Variants in PTPRZ1 observed in about 807,000 individuals in gnomAD.
PTPRZ1 encodes receptor-type tyrosine-protein phosphatase zeta.
PTPRZ1 carries 82 observed loss-of-function variants against 214.1 expected under a neutral mutation model. The ratio of observed to expected loss-of-function variants is 0.38; its 90% CI spans 0.32 to 0.46. PTPRZ1 has a LOEUF of 0.46. Ranked by LOEUF, PTPRZ1 falls within the 20% of genes least tolerant of loss-of-function variation. The pLI is 1.00. For missense variants in PTPRZ1, 2,603 were observed against 2,748.7 expected (o/e 0.95, Z 1.19); for synonymous variants, 945 against 987.9 (o/e 0.96, Z 0.81).
intron 1 of PTPRZ1, among the ~76,000 whole-genome samples, chr7:121,875,645 C>G (rs987071026): frequency 6.6e-6 from 1 of 152,208 alleles, no homozygotes; most frequent in African/African-American, 2.4e-5. Context: ...TTTGTTGAGA[C>G]TGGAAGGTGA....
intron 1 of PTPRZ1, among the ~76,000 whole-genome samples, chr7:121,897,282 C>T (rs571904395): frequency 3.3e-5 from 5 of 152,144 alleles, no homozygotes; most frequent in South Asian, 2.1e-4. Context: ...TCAGTGATAA[C>T]GGGCTTTACT....
intron 8 of PTPRZ1, among the ~76,000 whole-genome samples, chr7:121,994,770 A>T (rs1397788030): frequency 6.6e-6 from 1 of 152,162 alleles, no homozygotes; most frequent in Admixed American, 6.5e-5. Flanking sequence ...TAGAAGTCTC[A>T]CTCAGTAGAG....
rs76007706 is a variant in PTPRZ1, at chr7:121,981,640, A to G, written c.620-2025A>G. Among the ~76,000 whole-genome samples the G allele has an allele frequency of 1.1e-4, 16 of 152,356 alleles. No individual in the cohort carries two copies. The East Asian group carries it at 2.9e-3, about 28-fold the overall frequency. ...CAGATACAAATGAGACTATTCAAGG[A>G]GACAGATATATTTGGATTGTTTCAG... On this transcript the variant is annotated intron_variant, in intron 6 of 29. Coordinates refer to ENST00000393386, the MANE Select transcript of PTPRZ1 (RefSeq NM_002851.3).
chr7:121,984,088 A>G lies in PTPRZ1; in HGVS notation c.899A>G (p.Tyr300Cys). 5.6e-6 allele frequency: 9 copies of G among 1,613,414 alleles called. No individual in the cohort carries two copies. Among genetic ancestry groups the G allele is most frequent in the East Asian group, 2.2e-5 (1 of 44,802 alleles). The change falls in exon 8 of 30, where the codon TAC becomes TGC. Residue 300 changes from tyrosine to cysteine, a missense_variant. Around this residue, in one of 6 missense-constraint regions of PTPRZ1, gnomAD observed 244 missense variants for 333.2 expected, o/e 0.73. Coordinates refer to ENST00000393386, the MANE Select transcript of PTPRZ1 (RefSeq NM_002851.3). ...TTCTCTAGACAGGTGTTTTCCTCAT[A>G]CACTGGAAAGGAAGAGATTCATGAA... ...YKFSRQVFSS[Y>C]TGKEEIHEAV...
intron 8 of PTPRZ1, among the ~76,000 whole-genome samples, chr7:121,986,267 T>A (rs1797760289): frequency 6.6e-6 from 1 of 152,202 alleles, no homozygotes; most frequent in Non-Finnish European, 1.5e-5. Context: ...GAAGCTGATA[T>A]TAAATGGCTT....
chr7:122,006,341 A>T lies in PTPRZ1; in HGVS notation c.1287+1681A>T, dbSNP rs556305914. ...GTGCTATCAAACACTAGAACTTATT[A>T]TTCCTATCTAGCTGTAATTTTGTAT... On this transcript the variant is annotated intron_variant, in intron 11 of 29. Transcript: ENST00000393386. Among the ~76,000 whole-genome samples, 204 of 152,120 alleles carry T rather than the reference A, an allele frequency of 1.3e-3. No individual in the cohort carries two copies. In the Middle Eastern group the frequency reaches 0.02, roughly 15 times the overall value.
At chr7:121,977,566 G>A (rs1166002459) in intron 6 of PTPRZ1, among the ~76,000 whole-genome samples, 1 of 152,138 alleles carries the variant, frequency 6.6e-6, no homozygotes, top group Non-Finnish European at 1.5e-5. Flanking sequence ...TTTGAAATCA[G>A]AAACAAAACT....
intron 15 of PTPRZ1, among the ~76,000 whole-genome samples, chr7:122,033,474 G>A (rs1799442715): frequency 1.3e-5 from 2 of 151,644 alleles, no homozygotes; most frequent in Admixed American, 6.6e-5. Flanking sequence ...AAAAAAATGG[G>A]CAGAAATAAA....
intron 2 of PTPRZ1, among the ~76,000 whole-genome samples, chr7:121,960,180 G>T (rs7794323): frequency 6.6e-6 from 1 of 152,056 alleles, no homozygotes; most frequent in Non-Finnish European, 1.5e-5. Context: ...CTGTAATTAC[G>T]GGCGTGCGCC....
intron 2 of PTPRZ1, among the ~76,000 whole-genome samples, chr7:121,931,378 C>T (rs1338012727): frequency 3.3e-5 from 5 of 152,060 alleles, no homozygotes; most frequent in African/African-American, 1.2e-4. Context: ...AATCAATTTT[C>T]AAACAGAGAA....
rs761404307 is a variant in PTPRZ1, at chr7:122,011,290, A to C, written c.2244A>C (p.Thr748=). The C allele has an allele frequency of 6.2e-7, 1 of 1,614,122 alleles. No homozygotes were observed. Among genetic ancestry groups the C allele is most frequent in the South Asian group, 1.1e-5 (1 of 91,084 alleles). The stretch of plus-strand genomic sequence containing the variant: ...CGGTCAACGTGGTATACTCGCAGAC[A>C]ACCCAACCGGTATACAATGGTGAGA... The part of the protein sequence containing the change: ...VSTVNVVYSQ[T]TQPVYNGETP... The change falls in exon 12 of 30, where the codon ACA becomes ACC. Residue 748 remains threonine, a synonymous_variant. Transcript: ENST00000393386.
At position 121,989,306 on chromosome 7, in the gene PTPRZ1, G is replaced by A. The variant is rs997987936; in HGVS notation, c.928+5189G>A. ...AACTAGGACTTGCTGTTTCCATCAC[G>A]AGTCTTTACACTCAATAAGCATTTA... On this transcript the variant is annotated intron_variant, in intron 8 of 29. Transcript: ENST00000393386. Among the ~76,000 whole-genome samples, 11 of 151,640 alleles carry A rather than the reference G, an allele frequency of 7.3e-5. No homozygotes were observed. In the South Asian group the frequency reaches 1.9e-3, roughly 26 times the overall value.
chr7:122,033,470 AT>A (rs1324315982), intron 15 of PTPRZ1, among the ~76,000 whole-genome samples: 9 of 151,958 alleles, frequency 5.9e-5, no homozygotes, highest in African/African-American at 1.9e-4. Context: ...TAATAAAAAA[AT>A]GGGCAGAAAT....
At position 122,044,575 on chromosome 7, in the gene PTPRZ1, C is replaced by T; in HGVS notation, c.6084+7C>T. 6.2e-7 allele frequency: 1 copy of T among 1,612,590 alleles called. No homozygotes were observed. The highest frequency in any genetic ancestry group is 8.5e-7 in the Non-Finnish European group (1 of 1,179,204). On this transcript the variant is annotated splice_region_variant and intron_variant, in intron 23 of 29. Transcript: ENST00000393386. ...GCTAGAGAAACAATTCCAGGTGAGT[C>T]CTCTTGGAAGCCTCTTGGATGTCAC...
intron 26 of PTPRZ1, 110 bp downstream of exon 26, chr7:122,054,148 A>C: frequency 1.6e-6 from 2 of 1,241,518 alleles, no homozygotes; most frequent in Admixed American, 2.1e-5. Flanking sequence ...TTCAACTAAT[A>C]AACTAATGTC....
chr7:122,029,123 GAA>G (rs1244451412), intron 14 of PTPRZ1, among the ~76,000 whole-genome samples: 2 of 150,748 alleles, frequency 1.3e-5, no homozygotes, highest in African/African-American at 2.4e-5. Flanking sequence ...TACATTAGAA[GAA>G]AAGATCTATA....
At position 122,000,143 on chromosome 7, in the gene PTPRZ1, C is replaced by T. The variant is rs777904949; in HGVS notation, c.1240+2137C>T. Among the ~76,000 whole-genome samples the T allele has an allele frequency of 4.7e-4, 71 of 152,250 alleles. 1 individual carries two copies. The highest frequency in any genetic ancestry group is 2.9e-4 in the Non-Finnish European group (20 of 67,978). On this transcript the variant is annotated intron_variant, in intron 10 of 29. Transcript: ENST00000393386. ...CTATTATTTCTACCAAAAATTCCTG[C>T]ATCAAAAACCTGTTCCTCCAAAGTT...
At chr7:121,984,497 A>G (rs1797708538) in intron 8 of PTPRZ1, among the ~76,000 whole-genome samples, 1 of 152,140 alleles carries the variant, frequency 6.6e-6, no homozygotes, top group Non-Finnish European at 1.5e-5. Flanking sequence ...AGGTGTTCAG[A>G]GCTTGGGAGA....
At chr7:121,955,966 A>G (rs1193488929) in intron 2 of PTPRZ1, among the ~76,000 whole-genome samples, 1 of 152,146 alleles carries the variant, frequency 6.6e-6, no homozygotes, top group Non-Finnish European at 1.5e-5. Context: ...GAAAGATAGG[A>G]GGACTTTGGG....
Sources: allele counts gnomAD v4.1 joint callset (sites outside exome capture counted in the v4.1 genomes callset), GRCh38; gene constraint gnomAD v4.1.1; regional missense constraint gnomAD v4.1.1; transcripts MANE v1.5; gene names NCBI Gene and HGNC (gene_info 2026-07-23, HGNC 2026-07-21).